The following CNTN4 variants were observed in gnomAD, a reference collection of about 807,000 sequenced individuals.
The protein encoded by CNTN4 is contactin 4.
A neutral mutation model predicts 122.5 loss-of-function variants in CNTN4; 77 were observed. The ratio of observed to expected loss-of-function variants is 0.63; its 90% CI spans 0.52 to 0.76. CNTN4 has a LOEUF of 0.76. Among genes scored for constraint, CNTN4 ranks in the 30% least tolerant of loss-of-function variants. The pLI is 0.00. For synonymous variants in CNTN4, 512 were observed against 447.0 expected (o/e 1.15, Z -1.83); for missense variants, 1,256 against 1,259.1 (o/e 1.00, Z 0.04).
At chr3:2,765,189 C>T (rs1167617967) in intron 6 of CNTN4, among the ~76,000 whole-genome samples, 1 of 152,174 alleles carries the variant, frequency 6.6e-6, no homozygotes, top group Non-Finnish European at 1.5e-5. Flanking sequence ...GTTCTTTTGC[C>T]AGTAAGTGGC....
intron 3 of CNTN4, among the ~76,000 whole-genome samples, chr3:2,562,812 A>T (rs1284066068): frequency 6.6e-6 from 1 of 151,856 alleles, no homozygotes; most frequent in African/African-American, 2.4e-5. Context: ...CAGACTCCAA[A>T]TATTGAGCTC....
At chr3:2,433,236 C>T (rs1337323977) in intron 3 of CNTN4, among the ~76,000 whole-genome samples, 1 of 152,164 alleles carries the variant, frequency 6.6e-6, no homozygotes, top group Non-Finnish European at 1.5e-5. Context: ...TCTGTATTGG[C>T]TTACTAATCT....
intron 7 of CNTN4, among the ~76,000 whole-genome samples, chr3:2,829,300 C>T (rs866079752): frequency 7.9e-5 from 12 of 152,176 alleles, no homozygotes; most frequent in African/African-American, 2.7e-4. Flanking sequence ...AAGAGAGCCA[C>T]ATTGATCAGG....
rs964010254 is a variant in CNTN4, at chr3:2,543,677, C to T, written c.-88-27739C>T. On this transcript the variant is annotated intron_variant, in intron 3 of 24. Coordinates refer to ENST00000418658, the MANE Select transcript of CNTN4 (RefSeq NM_175607.3). ...TCTTTTTCCTCAGTATGCATTTAGA[C>T]GTTGCAGAGAGTTCATGGGACAGAC... Among the ~76,000 whole-genome samples the T allele has an allele frequency of 4.6e-5, 7 of 152,096 alleles. 1 individual carries two copies. In the South Asian group the frequency reaches 6.2e-4, roughly 13 times the overall value.
chr3:2,488,847 A>G (rs1025974307), intron 3 of CNTN4, among the ~76,000 whole-genome samples: 4 of 152,206 alleles, frequency 2.6e-5, no homozygotes, highest in African/African-American at 9.7e-5. Flanking sequence ...AATTGAAATG[A>G]ATGCTTACAA....
At chr3:2,133,203 A>G (rs1476898094) in intron 2 of CNTN4, among the ~76,000 whole-genome samples, 1 of 152,166 alleles carries the variant, frequency 6.6e-6, no homozygotes, top group African/African-American at 2.4e-5. Context: ...TTCTAGCTTT[A>G]GTTACTTCAT....
At chr3:2,488,586 T>G (rs937112852) in intron 3 of CNTN4, among the ~76,000 whole-genome samples, 1 of 152,202 alleles carries the variant, frequency 6.6e-6, no homozygotes, top group Admixed American at 6.5e-5. Context: ...TTTGTTTTGA[T>G]TAATCTTTCT....
At chr3:2,525,847 AT>A (rs1363222728) in intron 3 of CNTN4, among the ~76,000 whole-genome samples, 1 of 152,144 alleles carries the variant, frequency 6.6e-6, no homozygotes, top group Non-Finnish European at 1.5e-5. Context: ...ATGATGAAAC[AT>A]TTTATATATA....
chr3:2,684,862 G>T (rs571984319), intron 4 of CNTN4, among the ~76,000 whole-genome samples: 38 of 152,308 alleles, frequency 2.5e-4, no homozygotes, highest in South Asian at 1.9e-3. Context: ...AATCGGGAGT[G>T]CTCAAGCAAG....
At chr3:2,996,438 T>C (rs928603551) in intron 14 of CNTN4, among the ~76,000 whole-genome samples, 1 of 152,186 alleles carries the variant, frequency 6.6e-6, no homozygotes, top group African/African-American at 2.4e-5. Flanking sequence ...TACCTGGTGA[T>C]ATTTAACCCA....
chr3:2,440,899 A>T (rs1311182386), intron 3 of CNTN4, among the ~76,000 whole-genome samples: 3 of 148,216 alleles, frequency 2.0e-5, no homozygotes, highest in Non-Finnish European at 3.0e-5. Flanking sequence ...ATATACATGT[A>T]TATAACAAAA....
intron 4 of CNTN4, among the ~76,000 whole-genome samples, chr3:2,684,097 A>G (rs2085308183): frequency 1.3e-5 from 2 of 152,162 alleles, no homozygotes; most frequent in African/African-American, 4.8e-5. Flanking sequence ...TGCAATTCAC[A>G]CTATTAAATA....
chr3:2,368,221 A>C (rs1431339514), intron 3 of CNTN4, among the ~76,000 whole-genome samples: 2 of 150,898 alleles, frequency 1.3e-5, no homozygotes, highest in Admixed American at 6.6e-5. Flanking sequence ...TTTAATAGAG[A>C]CGGGGTTTCA....
intron 2 of CNTN4, among the ~76,000 whole-genome samples, chr3:2,135,053 T>G (rs1467597359): frequency 6.6e-6 from 1 of 152,036 alleles, no homozygotes; most frequent in South Asian, 2.1e-4. Context: ...AGGCCCAAAA[T>G]GTCAGTAGTA....
chr3:2,813,111 C>T (rs563314453), intron 6 of CNTN4, among the ~76,000 whole-genome samples: 1 of 152,320 alleles, frequency 6.6e-6, no homozygotes, highest in South Asian at 2.1e-4. Flanking sequence ...CACACACACA[C>T]AGGGAGCAAA....
intron 4 of CNTN4, among the ~76,000 whole-genome samples, chr3:2,642,480 C>T (rs2082939442): frequency 6.6e-6 from 1 of 152,272 alleles, no homozygotes; most frequent in Non-Finnish European, 1.5e-5. Flanking sequence ...AACCATTAAA[C>T]TCTCCTTCCT....
Position 2,784,093 on chromosome 3 carries a change from T to C in CNTN4, c.359-35393T>C, listed in dbSNP as rs1294356462. ...ATCTTTACTATATTACCTGCTGAAA[T>C]TTCTACATATAGACATTTAGAAAAT... On this transcript the variant is annotated intron_variant, in intron 6 of 24. Coordinates refer to ENST00000418658, the MANE Select transcript of CNTN4 (RefSeq NM_175607.3). 3.9e-5 allele frequency among the ~76,000 whole-genome samples: 6 copies of C among 152,194 alleles called. No individual in the cohort carries two copies. In the East Asian group the frequency reaches 1.2e-3, roughly 29 times the overall value.
chr3:2,785,728 G>A (rs532871534), intron 6 of CNTN4, among the ~76,000 whole-genome samples: 9 of 152,210 alleles, frequency 5.9e-5, no homozygotes, highest in South Asian at 2.1e-4. Flanking sequence ...CCCATGTGGC[G>A]GCTCTGCTGA....
At chr3:2,998,876 C>T (rs1300203143) in intron 14 of CNTN4, among the ~76,000 whole-genome samples, 1 of 152,154 alleles carries the variant, frequency 6.6e-6, no homozygotes, top group Non-Finnish European at 1.5e-5. Context: ...ATGACGCCAA[C>T]TTCAGTAGAA....
Sources: gnomAD v4.1 joint callset for allele counts (sites outside exome capture counted in the v4.1 genomes callset) on GRCh38, gnomAD v4.1.1 for gene constraint, MANE v1.5 for transcripts, NCBI Gene and HGNC (gene_info 2026-07-23, HGNC 2026-07-21) for gene names.